Variants in ASIC2 observed in about 807,000 individuals in gnomAD.
The protein encoded by ASIC2 is acid-sensing ion channel 2.
A neutral mutation model predicts 57.3 loss-of-function variants in ASIC2; 25 were observed. That is an observed-to-expected ratio of 0.44 (90% CI 0.32 to 0.61). The LOEUF (loss-of-function observed/expected upper bound fraction) is 0.61, where lower values mean the gene tolerates loss of function less well. Among genes scored for constraint, ASIC2 ranks in the 20% least tolerant of loss-of-function variants. The pLI is 0.06. For missense variants in ASIC2, 641 were observed against 738.1 expected (o/e 0.87, Z 1.52); for synonymous variants, 319 against 307.5 (o/e 1.04, Z -0.39).
chr17:33,353,187 G>T (rs1002045843), intron 1 of ASIC2, among the ~76,000 whole-genome samples: 1 of 152,068 alleles, frequency 6.6e-6, no homozygotes, highest in African/African-American at 2.4e-5. Flanking sequence ...TTCCATTCCA[G>T]ATCCACCAAA....
chr17:33,923,747 C>A (rs1915760298), intron 1 of ASIC2, among the ~76,000 whole-genome samples: 1 of 152,128 alleles, frequency 6.6e-6, no homozygotes, highest in Admixed American at 6.5e-5. Flanking sequence ...TGTAAAAATG[C>A]TCTTAAGCCA....
chr17:33,969,398 T>C (rs1320763799), intron 1 of ASIC2, among the ~76,000 whole-genome samples: 1 of 152,142 alleles, frequency 6.6e-6, no homozygotes, highest in East Asian at 1.9e-4. Flanking sequence ...ACGATGTTGG[T>C]TCCTGCAGGC....
rs115240424 is a variant in ASIC2 at position 33,122,963 on chromosome 17, T to C, written c.709-10896A>G. 6.3e-3 allele frequency among the ~76,000 whole-genome samples: 966 copies of C among 152,246 alleles called. 17 individuals carry two copies. The highest frequency in any genetic ancestry group is 0.022 in the African/African-American group (921 of 41,514). ...AGATATCACCTCTCATCTGTTACAG[T>C]GGCCACTACCGAAAAGATGAAAGAT... On this transcript the variant is annotated intron_variant, in intron 1 of 9. Transcript: ENST00000225823.
At chr17:33,179,018 G>A (rs1597617894) in intron 1 of ASIC2, among the ~76,000 whole-genome samples, 1 of 152,292 alleles carries the variant, frequency 6.6e-6, no homozygotes, top group Admixed American at 6.5e-5. Context: ...AAGCTCACTG[G>A]TGGCTCGGAT....
At chr17:33,124,916 T>TA (rs1328639865) in intron 1 of ASIC2, among the ~76,000 whole-genome samples, 2 of 152,220 alleles carry the variant, frequency 1.3e-5, no homozygotes, top group East Asian at 3.9e-4. Context: ...TAGATTCTCT[T>TA]AAGGGGGGCA....
intron 1 of ASIC2, among the ~76,000 whole-genome samples, chr17:33,891,938 T>A (rs976025494): frequency 3.3e-5 from 5 of 152,232 alleles, no homozygotes; most frequent in Non-Finnish European, 7.3e-5. Context: ...TGCTCTATTT[T>A]TTCTTTACTT....
intron 2 of ASIC2, among the ~76,000 whole-genome samples, chr17:33,106,124 A>C (rs1273978394): frequency 6.6e-6 from 1 of 152,118 alleles, no homozygotes; most frequent in Non-Finnish European, 1.5e-5. Flanking sequence ...TTAATAGCAA[A>C]TGCAGATGCC....
intron 1 of ASIC2, among the ~76,000 whole-genome samples, chr17:33,133,463 G>A (rs1469180062): frequency 6.6e-6 from 1 of 152,190 alleles, no homozygotes. Context: ...AGGCCAGACA[G>A]CTTATGCAGT....
chr17:33,479,815 C>T (rs1055476470), intron 1 of ASIC2, among the ~76,000 whole-genome samples: 9 of 152,154 alleles, frequency 5.9e-5, no homozygotes, highest in Non-Finnish European at 1.3e-4. Context: ...GCCCCCCTCC[C>T]CAATCCACCC....
chr17:33,660,257 A>T (rs903049950), intron 1 of ASIC2, among the ~76,000 whole-genome samples: 4 of 152,158 alleles, frequency 2.6e-5, no homozygotes, highest in African/African-American at 9.7e-5. Context: ...CACTTATGCT[A>T]CATCAAATTT....
At chr17:33,060,407 G>A (rs1182880599) in intron 3 of ASIC2, among the ~76,000 whole-genome samples, 1 of 152,094 alleles carries the variant, frequency 6.6e-6, no homozygotes, top group Non-Finnish European at 1.5e-5. Context: ...AGCACCGTTT[G>A]TTGAATAGGG....
chr17:33,742,775 G>C (rs1450915105), intron 1 of ASIC2, among the ~76,000 whole-genome samples: 1 of 152,164 alleles, frequency 6.6e-6, no homozygotes, highest in Non-Finnish European at 1.5e-5. Context: ...CTTTTGACCA[G>C]ATGGTGATGT....
chr17:33,477,562 A>T (rs1205049032), intron 1 of ASIC2, among the ~76,000 whole-genome samples: 1 of 152,188 alleles, frequency 6.6e-6, no homozygotes, highest in Non-Finnish European at 1.5e-5. Context: ...ATAGTGGCTG[A>T]CTTAAGAGGG....
At chr17:33,442,132 A>G (rs1397764135) in intron 1 of ASIC2, among the ~76,000 whole-genome samples, 1 of 152,150 alleles carries the variant, frequency 6.6e-6, no homozygotes, top group Non-Finnish European at 1.5e-5. Context: ...TGTTCCATTG[A>G]TCTATATGTC....
At chr17:33,780,108 A>G (rs1450613088) in intron 1 of ASIC2, among the ~76,000 whole-genome samples, 1 of 151,052 alleles carries the variant, frequency 6.6e-6, no homozygotes, top group Non-Finnish European at 1.5e-5. Flanking sequence ...GTAGCTGGGA[A>G]CACAGGTGCC....
At chr17:34,069,381 CTCTT>C (rs1447072507) in intron 1 of ASIC2, 12 of 144,054 alleles carry the variant, frequency 8.3e-5, no homozygotes, top group African/African-American at 2.9e-4. Context: ...TCCTTTTTTT[CTCTT>C]TCTTTTTTTC....
chr17:33,568,715 T>A (rs894108892), intron 1 of ASIC2, among the ~76,000 whole-genome samples: 1 of 152,198 alleles, frequency 6.6e-6, no homozygotes, highest in African/African-American at 2.4e-5. Flanking sequence ...ATCTCTCTAA[T>A]AGATAATATT....
chr17:33,250,078 G>A (rs189904689), intron 1 of ASIC2, among the ~76,000 whole-genome samples: 1 of 152,140 alleles, frequency 6.6e-6, no homozygotes. Context: ...TATCTGTGTC[G>A]ATCTTAGGCA....
At chr17:33,128,605 T>C (rs529868919) in intron 1 of ASIC2, among the ~76,000 whole-genome samples, 3 of 152,068 alleles carry the variant, frequency 2.0e-5, no homozygotes, top group Non-Finnish European at 4.4e-5. Context: ...AGTTTTGGAG[T>C]GGGGGTGGCC....
Sources: allele counts gnomAD v4.1 joint callset (sites outside exome capture counted in the v4.1 genomes callset), GRCh38; gene constraint gnomAD v4.1.1; transcripts MANE v1.5; gene names NCBI Gene and HGNC (gene_info 2026-07-23, HGNC 2026-07-21).